The following KCNA7 variants were observed in gnomAD, a reference collection of about 807,000 sequenced individuals.
The protein encoded by KCNA7 is potassium voltage-gated channel subfamily A member 7, also known as potassium channel, voltage gated shaker related subfamily A, member 7.
In KCNA7, 15 loss-of-function variants were observed where a neutral mutation model predicts 21.5. That is an observed-to-expected ratio of 0.70 (90% CI 0.47 to 1.07). The LOEUF (loss-of-function observed/expected upper bound fraction) is 1.07. KCNA7 is among the 50% of genes least tolerant of loss of function. The pLI is 0.00. For synonymous variants in KCNA7, 298 were observed against 291.0 expected, an observed-to-expected ratio of 1.02 and a Z score of -0.24; for missense variants, 640 against 651.6, an observed-to-expected ratio of 0.98 and a Z score of 0.19.
At chr19:49,071,986 C>G in intron 1 of KCNA7, 45 bp downstream of exon 1, 1 of 1,465,564 alleles carries the variant, frequency 6.8e-7, no homozygotes, top group Non-Finnish European at 9.2e-7. Context: ...CCCCGCCCAT[C>G]TCCTCCCAAA....
rs1439232035 is a variant in KCNA7, at chr19:49,070,216, C to T, written c.1218G>A (p.Glu406=). ...GGCTGAACATCCCAGCCTCTTCGCC[C>T]TCTGTCTCCCGGTGATAAAAGTAGC... is the stretch of plus-strand genomic sequence containing the variant. ...NFSYFYHRET[E]GEEAGMFSHV... The change falls in exon 2 of 2, where the codon GAG becomes GAA. Residue 406 remains glutamate (E), a synonymous_variant. Coordinates refer to ENST00000221444, the MANE Select transcript of KCNA7 (RefSeq NM_031886.3). This position sits in a 1 kb window ranked among gnomAD's most constrained non-coding sequence, Gnocchi z 4.3. 1.9e-6 allele frequency: 3 copies of T among 1,614,246 alleles called. No homozygotes were observed. Among genetic ancestry groups the T allele is most frequent in the South Asian group, 1.1e-5 (1 of 91,090 alleles).
rs770221707 is a variant in KCNA7 at position 49,072,046 on chromosome 19, T to G, written c.540A>C (p.Ala180=). ...CGCCTCTCACCGGGCCGGCTGCGGCTGCAGCAGCAAGCCCCGTGCCGTCGC... is the reference window on the plus strand; with the variant it reads ...CGCCTCTCACCGGGCCGGCTGCGGCGGCAGCAGCAAGCCCCGTGCCGTCGC... ...DDRDGTGLAA[A]AAAGPFPAPL... is the part of the protein sequence containing the mutation. Residue 180 remains alanine, a synonymous_variant, in exon 1 of 2, where the codon GCA becomes GCC. Coordinates refer to ENST00000221444, the MANE Select transcript of KCNA7 (RefSeq NM_031886.3). 6.1e-5 allele frequency: 98 copies of G among 1,604,548 alleles called. No homozygotes were observed. Among genetic ancestry groups the G allele is most frequent in the Non-Finnish European group, 8.0e-5 (94 of 1,176,798 alleles).
chr19:49,071,971 C>A lies in KCNA7; in HGVS notation c.555+60G>T, dbSNP rs1037343005. ...CGCCTTATGATTGGCCAGGTCCCCT[C>A]TGGACCCCGCCCATCTCCTCCCAAA... On this transcript the variant is annotated intron_variant, in intron 1 of 1. Coordinates refer to ENST00000221444, the MANE Select transcript of KCNA7 (RefSeq NM_031886.3). The A allele has an allele frequency of 3.1e-5, 46 of 1,499,874 alleles. No individual in the cohort carries two copies. In the African/African-American group the frequency reaches 5.4e-4, roughly 18 times the overall value. 92.9% of individuals were successfully genotyped at this position (1,499,874 alleles called of 1,614,324 possible). A position where few individuals can be genotyped will look rare whatever the true frequency, so the allele number is the denominator to read the frequency against.
At chr19:49,071,150 C>A (rs1052716217) in intron 1 of KCNA7, among the ~76,000 whole-genome samples, 2 of 152,062 alleles carry the variant, frequency 1.3e-5, no homozygotes, top group African/African-American at 4.8e-5. Context: ...TAGGGTGCAA[C>A]CTCTTCTCTC....
In KCNA7 at chr19:49,070,201, C is replaced by A. The variant is rs759065174; in HGVS notation, c.1233G>T (p.Gly411=). 6.2e-7 allele frequency: 1 copy of A among 1,614,100 alleles called. No individual in the cohort carries two copies. Among genetic ancestry groups the A allele is most frequent in the Non-Finnish European group, 8.5e-7 (1 of 1,180,048 alleles). The part of the protein sequence containing the change: ...YHRETEGEEA[G]MFSHVDMQPC... ...GCTGCATGTCCACATGGCTGAACAT[C>A]CCAGCCTCTTCGCCCTCTGTCTCCC... Residue 411 remains glycine, a synonymous_variant, in exon 2 of 2, where the codon GGG becomes GGT. Coordinates refer to ENST00000221444, the MANE Select transcript of KCNA7 (RefSeq NM_031886.3). The surrounding 1 kb of genome is among the most constrained non-coding windows in gnomAD (Gnocchi z 4.3).
chr19:49,070,828 G>A lies in KCNA7; in HGVS notation c.606C>T (p.Arg202=), dbSNP rs1410115076. Residue 202 remains arginine, a synonymous_variant, in exon 2 of 2, where the codon CGC becomes CGT. Coordinates refer to ENST00000221444, the MANE Select transcript of KCNA7 (RefSeq NM_031886.3). This position sits in a 1 kb window ranked among gnomAD's most constrained non-coding sequence, Gnocchi z 4.3. The part of the protein sequence containing the change: ...GSSQMPGNPP[R]LPFNDPFFVV... ...CGAAGAACGGGTCATTGAAGGGCAG[G>A]CGGGGTGGATTTCCAGGCATTTGGC... 6.2e-7 allele frequency: 1 copy of A among 1,614,184 alleles called. No individual in the cohort carries two copies. The highest frequency in any genetic ancestry group is 8.5e-7 in the Non-Finnish European group (1 of 1,180,012).
In KCNA7 at chr19:49,072,457, C is replaced by T. The variant is rs1253053430; in HGVS notation, c.129G>A (p.Ala43=). 3 of 1,571,294 alleles carry T rather than the reference C, an allele frequency of 1.9e-6. No individual in the cohort carries two copies. The South Asian group carries it at 3.4e-5, about 18-fold the overall frequency. The change falls in exon 1 of 2, where the codon GCG becomes GCA. Residue 43 remains alanine, a synonymous_variant. Coordinates refer to ENST00000221444, the MANE Select transcript of KCNA7 (RefSeq NM_031886.3). ...CGTCGTCGTAGAAGCGGCCGCGGCG[C>T]GCTGGGTCCCCTAGCAGAGTGTCCG... ...RFPDTLLGDP[A]RRGRFYDDAR...
In KCNA7 at chr19:49,071,944, C is replaced by T. The variant is rs557391289; in HGVS notation, c.555+87G>A. 5.3e-6 allele frequency: 7 copies of T among 1,329,520 alleles called. No individual in the cohort carries two copies. In the East Asian group the frequency reaches 8.0e-5, roughly 15 times the overall value. 82.4% of individuals were successfully genotyped at this position (1,329,520 alleles called of 1,614,324 possible). On this transcript the variant is annotated intron_variant, in intron 1 of 1. Coordinates refer to ENST00000221444, the MANE Select transcript of KCNA7 (RefSeq NM_031886.3). The stretch of plus-strand genomic sequence containing the variant: ...TGGCCCACCCCTCGCAGCCCCTGGC[C>T]CCGCCTTATGATTGGCCAGGTCCCC...
chr19:49,071,295 C>G (rs1017306052), intron 1 of KCNA7, among the ~76,000 whole-genome samples: 7 of 152,092 alleles, frequency 4.6e-5, no homozygotes, highest in African/African-American at 1.7e-4. Flanking sequence ...CGGTGGCTCA[C>G]GTCTGTAATC....
Position 49,070,594 on chromosome 19 carries a change from G to C in KCNA7, c.840C>G (p.Ile280Met). The C allele has an allele frequency of 1.9e-6, 3 of 1,614,210 alleles. No individual in the cohort carries two copies. Among genetic ancestry groups the C allele is most frequent in the Non-Finnish European group, 2.5e-6 (3 of 1,180,040 alleles). ...AGATGCGGAAGACACGCACCAATCG[G>C]ATGACTCTCAGGATGGCCAGTGACA... Reference protein sequence around the residue: ...QAMSLAILRVIRLVRVFRIFK... With the variant: ...QAMSLAILRVMRLVRVFRIFK... The change falls in exon 2 of 2, where the codon ATC (isoleucine) becomes ATG (methionine). Residue 280 changes from isoleucine to methionine, a missense_variant. Physicochemically the swap from Ile to Met is conservative, Grantham distance 10. Coordinates refer to ENST00000221444, the MANE Select transcript of KCNA7 (RefSeq NM_031886.3). This position sits in a 1 kb window ranked among gnomAD's most constrained non-coding sequence, Gnocchi z 4.3.
Position 49,069,207 on chromosome 19 carries a change from A to T in KCNA7, c.*856T>A, listed in dbSNP as rs531975134. ...CGTTCGCACAGTCCAACTCAACCCA[A>T]CTTCCTGTAGGACTCACATAGTGAC... On this transcript the variant is annotated 3_prime_UTR_variant, in exon 2 of 2. Coordinates refer to ENST00000221444, the MANE Select transcript of KCNA7 (RefSeq NM_031886.3). The T allele has an allele frequency of 6.6e-6, 1 of 152,176 alleles. No homozygotes were observed. Among genetic ancestry groups the T allele is most frequent in the African/African-American group, 2.4e-5 (1 of 41,488 alleles). The allele number at this position is 152,176 out of a possible 1,614,324, so 9.4% of individuals were successfully genotyped here.
chr19:49,071,897 T>TC, intron 1 of KCNA7, 134 bp downstream of exon 1: 2 of 440,970 alleles, frequency 4.5e-6, no homozygotes, highest in East Asian at 5.4e-5. Flanking sequence ...AGGCCCCGCC[T>TC]CCCGCCCACC....
rs762386271 is a variant in KCNA7, at chr19:49,072,458, G to T, written c.128C>A (p.Ala43Glu). Residue 43 changes from alanine to glutamate, a missense_variant, in exon 1 of 2, where the codon GCG becomes GAG. Physicochemically the swap from Ala to Glu is moderately radical, Grantham distance 107. Coordinates refer to ENST00000221444, the MANE Select transcript of KCNA7 (RefSeq NM_031886.3). ...RFPDTLLGDP[A>E]RRGRFYDDAR... ...GTCGTCGTAGAAGCGGCCGCGGCGC[G>T]CTGGGTCCCCTAGCAGAGTGTCCGG... 1 of 1,570,962 alleles carries T rather than the reference G, an allele frequency of 6.4e-7. No individual in the cohort carries two copies. Among genetic ancestry groups the T allele is most frequent in the Non-Finnish European group, 8.6e-7 (1 of 1,168,000 alleles).
chr19:49,070,314 C>G lies in KCNA7; in HGVS notation c.1120G>C (p.Val374Leu). The change falls in exon 2 of 2, where the codon GTG becomes CTG. Residue 374 changes from valine (V) to leucine (L), a missense_variant. Coordinates refer to ENST00000221444, the MANE Select transcript of KCNA7 (RefSeq NM_031886.3). The surrounding 1 kb of genome is among the most constrained non-coding windows in gnomAD (Gnocchi z 4.3). ...CCCGCAATGGCACACAGAGAGCCCACTATCTTGCCACCCACAGTGACGGGT... is the reference window on the plus strand; with the variant it reads ...CCCGCAATGGCACACAGAGAGCCCAGTATCTTGCCACCCACAGTGACGGGT... ...MAPVTVGGKI[V>L]GSLCAIAGVL... 1 of 1,614,202 alleles carries G rather than the reference C, an allele frequency of 6.2e-7. No homozygotes were observed. The highest frequency in any genetic ancestry group is 8.5e-7 in the Non-Finnish European group (1 of 1,180,046).
Position 49,069,875 on chromosome 19 carries a change from C to T in KCNA7, c.*188G>A, listed in dbSNP as rs1012074410. ...AACCCATTGCCATTCGCTGCTGCTTCAGGAGGTACCCACAGGAGCTACCAA... is the reference window on the plus strand; with the variant it reads ...AACCCATTGCCATTCGCTGCTGCTTTAGGAGGTACCCACAGGAGCTACCAA... On this transcript the variant is annotated 3_prime_UTR_variant, in exon 2 of 2. Coordinates refer to ENST00000221444, the MANE Select transcript of KCNA7 (RefSeq NM_031886.3). 15 of 586,434 alleles carry T rather than the reference C, an allele frequency of 2.6e-5. No individual in the cohort carries two copies. The African/African-American group carries it at 2.8e-4, about 11-fold the overall frequency. The allele number at this position is 586,434 out of a possible 1,614,324, so 36.3% of individuals were successfully genotyped here. A position where few individuals can be genotyped will look rare whatever the true frequency, so the allele number is the denominator to read the frequency against.
chr19:49,071,908 C>A, intron 1 of KCNA7, 123 bp downstream of exon 1: 1 of 926,960 alleles, frequency 1.1e-6, no homozygotes, highest in Non-Finnish European at 1.6e-6. Flanking sequence ...CCCGCCCACC[C>A]TGTCTTCGGC....
chr19:49,072,470 A>T lies in KCNA7; in HGVS notation c.116T>A (p.Leu39Gln), dbSNP rs2040267323. ...GCGGCCGCGGCGCGCTGGGTCCCCT[A>T]GCAGAGTGTCCGGGAAGCGGCCCAG... ...RTLGRFPDTL[L>Q]GDPARRGRFY... The change falls in exon 1 of 2, where the codon CTA (leucine) becomes CAA (glutamine). Residue 39 changes from leucine to glutamine, a missense_variant. Coordinates refer to ENST00000221444, the MANE Select transcript of KCNA7 (RefSeq NM_031886.3). 6.4e-7 allele frequency: 1 copy of T among 1,559,582 alleles called. No homozygotes were observed. Among genetic ancestry groups the T allele is most frequent in the Non-Finnish European group, 8.6e-7 (1 of 1,162,982 alleles).
chr19:49,070,125 C>T lies in KCNA7; in HGVS notation c.1309G>A (p.Val437Ile), dbSNP rs746043888. 10 of 1,613,500 alleles carry T rather than the reference C, an allele frequency of 6.2e-6. No homozygotes were observed. Among genetic ancestry groups the T allele is most frequent in the East Asian group, 4.5e-5 (2 of 44,864 alleles). Residue 437 changes from valine (V) to isoleucine (I), a missense_variant, in exon 2 of 2, where the codon GTA (valine) becomes ATA (isoleucine). Val to Ile is a conservative substitution (Grantham distance 29, BLOSUM62 3). Transcript: ENST00000221444. This position sits in a 1 kb window ranked among gnomAD's most constrained non-coding sequence, Gnocchi z 4.3. ...CAGAGTGGAGGTGGTAGCTCAGGTA[C>T]CTCCCCGTCCACCAGCCCCCCATTG... Reference protein sequence around the residue: ...KANGGLVDGEVPELPPPLWAP... With the variant: ...KANGGLVDGEIPELPPPLWAP...
In KCNA7 at chr19:49,072,688, A is replaced by C; in HGVS notation, c.-103T>G. ...CCTCGGCCGCCGCCGCCGCCGCCCC[A>C]GCCCGGTGTCCGGTGTCCGGTGTCC... On this transcript the variant is annotated 5_prime_UTR_variant, in exon 1 of 2. Transcript: ENST00000221444. The C allele has an allele frequency of 1.2e-6, 1 of 833,614 alleles. No homozygotes were observed. Among genetic ancestry groups the C allele is most frequent in the Non-Finnish European group, 1.4e-6 (1 of 695,718 alleles). The allele number at this position is 833,614 out of a possible 1,614,324, so 51.6% of individuals were successfully genotyped here.
Sources: gnomAD v4.1 joint callset for allele counts (sites outside exome capture counted in the v4.1 genomes callset) on GRCh38, gnomAD v4.1.1 for gene constraint, Gnocchi (gnomAD v3.1) non-coding constraint, MANE v1.5 for transcripts, NCBI Gene and HGNC (gene_info 2026-07-23, HGNC 2026-07-21) for gene names.